Variants in TM7SF3 observed in about 807,000 individuals in gnomAD.
The protein encoded by TM7SF3 is seven span transmembrane protein.
A neutral mutation model predicts 65.5 loss-of-function variants in TM7SF3; 60 were observed. That is an observed-to-expected ratio of 0.92 (90% CI 0.74 to 1.14). TM7SF3 has a LOEUF of 1.14. Among genes scored for constraint, TM7SF3 ranks in the 50% most tolerant of loss-of-function variants. TM7SF3 has a pLI of 0.00. For synonymous variants in TM7SF3, 264 were observed against 259.6 expected (o/e 1.02, Z -0.16); for missense variants, 623 against 684.8 (o/e 0.91, Z 1.01).
At chr12:26,978,188 T>C in intron 9 of TM7SF3, 1 of 314,444 alleles carries the variant, frequency 3.2e-6, no homozygotes, top group Non-Finnish European at 6.3e-6. Flanking sequence ...TAAACAAACA[T>C]ATATAAAGGG....
intron 10 of TM7SF3, 79 bp downstream of exon 10, chr12:26,976,181 G>A (rs1939554550): frequency 8.9e-7 from 1 of 1,120,008 alleles, no homozygotes. Flanking sequence ...AATAAAACAT[G>A]CAAAATGATG....
At position 26,992,506 on chromosome 12, in the gene TM7SF3, G is replaced by A. The variant is rs571599267; in HGVS notation, c.691-1879C>T. On this transcript the variant is annotated intron_variant, in intron 5 of 11. Coordinates refer to ENST00000343028, the MANE Select transcript of TM7SF3 (RefSeq NM_016551.3). Reference sequence around the variant, plus strand: ...TCACCCTGTTAGCCAGGATGGGCTCGATCTCCTGACCTTGTGATCCTCCCG... The same window carrying A: ...TCACCCTGTTAGCCAGGATGGGCTCAATCTCCTGACCTTGTGATCCTCCCG... 2.6e-4 allele frequency among the ~76,000 whole-genome samples: 40 copies of A among 152,268 alleles called. No individual in the cohort carries two copies. The East Asian group carries it at 6.6e-3, about 25-fold the overall frequency.
At chr12:27,001,587 G>A (rs1203214192) in intron 2 of TM7SF3, among the ~76,000 whole-genome samples, 2 of 152,138 alleles carry the variant, frequency 1.3e-5, no homozygotes, top group African/African-American at 4.8e-5. Context: ...CTAGGACATA[G>A]CAGGCGTTCA....
In TM7SF3 at chr12:26,975,584, G is replaced by T; in HGVS notation, c.1362C>A (p.Ser454Arg). 3 of 1,614,154 alleles carry T rather than the reference G, an allele frequency of 1.9e-6. No homozygotes were observed. Among genetic ancestry groups the T allele is most frequent in the Non-Finnish European group, 2.5e-6 (3 of 1,179,996 alleles). ...GTACGTTCAAAGTGATGTAGGAAAG[G>T]CTTGTGGACCAGTAACTGTCAATGG... ...VLAIDSYWST[S>R]LSYITLNVLK... The change falls in exon 11 of 12, where the codon AGC (serine) becomes AGA (arginine). Residue 454 changes from serine to arginine, a missense_variant. By Grantham distance (110) the Ser-to-Arg change is moderately radical. Transcript: ENST00000343028.
chr12:26,976,213 C>T (rs771819922), intron 10 of TM7SF3, 47 bp downstream of exon 10: 5 of 1,382,434 alleles, frequency 3.6e-6, no homozygotes, highest in Non-Finnish European at 5.2e-6. Context: ...CAGCTGAACA[C>T]ACAGGATAAC....
intron 6 of TM7SF3, among the ~76,000 whole-genome samples, chr12:26,989,699 A>G (rs573438604): frequency 1.3e-5 from 2 of 151,738 alleles, no homozygotes; most frequent in East Asian, 3.9e-4. Flanking sequence ...CCCTCACAAC[A>G]CCTTCACTGC....
rs990338728 is a variant in TM7SF3, at chr12:26,999,472, T to A, written c.397+54A>T. On this transcript the variant is annotated intron_variant, in intron 3 of 11. Transcript: ENST00000343028. ...TAGGATAATTTTCCTTAAAGTTTCA[T>A]GAACACATTCCATATTCCAAAGAGT... 3 of 1,563,490 alleles carry A rather than the reference T, an allele frequency of 1.9e-6. No homozygotes were observed. The African/African-American group carries it at 4.1e-5, about 21-fold the overall frequency.
rs149988617 is a variant in TM7SF3, at chr12:26,985,806, G to GTTTTTTTTTTTTTT, written c.869-2961_869-2948dup. ...CTTTGCTTGGCCAAATTTCTTTTTC[G>GTTTTTTTTTTTTTT]TTTTTTTTTTTTTTTTTTTTTTTTT... On this transcript the variant is annotated intron_variant, in intron 6 of 11. Coordinates refer to ENST00000343028, the MANE Select transcript of TM7SF3 (RefSeq NM_016551.3). 7.6e-5 allele frequency among the ~76,000 whole-genome samples: 4 copies of GTTTTTTTTTTTTTT among 52,818 alleles called. 1 individual carries two copies. The highest frequency in any genetic ancestry group is 9.3e-5 in the Non-Finnish European group (3 of 32,302). The allele number at this position is 52,818 out of a possible 152,430, so 34.7% of individuals were successfully genotyped here.
chr12:27,001,826 G>T (rs1940841835), intron 2 of TM7SF3, among the ~76,000 whole-genome samples: 1 of 152,132 alleles, frequency 6.6e-6, no homozygotes, highest in Non-Finnish European at 1.5e-5. Flanking sequence ...AAAAAACTTG[G>T]CCTCCCCTGA....
At chr12:27,011,961 C>T (rs896486288) in intron 1 of TM7SF3, among the ~76,000 whole-genome samples, 11 of 152,118 alleles carry the variant, frequency 7.2e-5, no homozygotes, top group African/African-American at 2.2e-4. Flanking sequence ...AAGTTCTGGA[C>T]GCCTGCTCTC....
At chr12:26,985,892 C>T (rs1261280345) in intron 6 of TM7SF3, among the ~76,000 whole-genome samples, 2 of 136,982 alleles carry the variant, frequency 1.5e-5, no homozygotes, top group South Asian at 2.4e-4. Context: ...TGGCTCACTG[C>T]CAGCTCCGCC....
intron 11 of TM7SF3, 78 bp from the exon 12 acceptor site, chr12:26,974,305 T>C: frequency 7.1e-7 from 1 of 1,413,530 alleles, no homozygotes; most frequent in Non-Finnish European, 9.6e-7. Flanking sequence ...CTTCATGGAC[T>C]AAATCTGTAT....
In TM7SF3 at chr12:26,974,335, T is replaced by G. The variant is rs189626254; in HGVS notation, c.1451-108A>C. On this transcript the variant is annotated intron_variant, in intron 11 of 11. Coordinates refer to ENST00000343028, the MANE Select transcript of TM7SF3 (RefSeq NM_016551.3). ...CTGTATATTCCTTTCTAATAGACTTTCTGGTGAGTTAGTCCAAACACATAT... is the reference window on the plus strand; with the variant it reads ...CTGTATATTCCTTTCTAATAGACTTGCTGGTGAGTTAGTCCAAACACATAT... 7.4e-6 allele frequency: 9 copies of G among 1,209,008 alleles called. No homozygotes were observed. In the African/African-American group the frequency reaches 1.4e-4, roughly 19 times the overall value. The allele number at this position is 1,209,008 out of a possible 1,614,324, so 74.9% of individuals were successfully genotyped here. A position where few individuals can be genotyped will look rare whatever the true frequency, so the allele number is the denominator to read the frequency against.
intron 5 of TM7SF3, 151 bp from the exon 6 acceptor site, chr12:26,990,778 G>T: frequency 1.8e-6 from 1 of 567,278 alleles, no homozygotes; most frequent in South Asian, 2.6e-5. Flanking sequence ...TGGTCAAAAG[G>T]CCATCTTACA....
At chr12:27,001,915 T>G (rs1325955957) in intron 2 of TM7SF3, among the ~76,000 whole-genome samples, 1 of 152,198 alleles carries the variant, frequency 6.6e-6, no homozygotes, top group African/African-American at 2.4e-5. Context: ...TGCAAAGAAC[T>G]TGGGCAAATT....
chr12:27,008,247 G>A (rs1941114130), intron 1 of TM7SF3, among the ~76,000 whole-genome samples: 1 of 152,190 alleles, frequency 6.6e-6, no homozygotes, highest in Non-Finnish European at 1.5e-5. Context: ...GTATATAGTG[G>A]TATCTCATTG....
At chr12:26,992,074 C>CAGTACAGATGTAAGTCTA (rs1940391578) in intron 5 of TM7SF3, among the ~76,000 whole-genome samples, 1 of 152,066 alleles carries the variant, frequency 6.6e-6, no homozygotes, top group Non-Finnish European at 1.5e-5. Flanking sequence ...ACAAGTTACT[C>CAGTACAGATGTAAGTCTA]AGTACAGATG....
chr12:27,010,684 T>C (rs1430277661), intron 1 of TM7SF3, among the ~76,000 whole-genome samples: 2 of 152,218 alleles, frequency 1.3e-5, no homozygotes, highest in Admixed American at 6.5e-5. Context: ...CATCAAAAGA[T>C]ATTACAAAGC....
intron 1 of TM7SF3, among the ~76,000 whole-genome samples, chr12:27,009,522 C>T (rs912665755): frequency 6.6e-6 from 1 of 151,974 alleles, no homozygotes; most frequent in Non-Finnish European, 1.5e-5. Context: ...CGTAATGTTT[C>T]TTGAGGCTAT....
Sources: allele counts gnomAD v4.1 joint callset (sites outside exome capture counted in the v4.1 genomes callset), GRCh38; gene constraint gnomAD v4.1.1; transcripts MANE v1.5; gene names NCBI Gene and HGNC (gene_info 2026-07-23, HGNC 2026-07-21).